The following SRPK2 variants were observed in gnomAD, a reference collection of about 807,000 sequenced individuals.
The protein encoded by SRPK2 is SFRS protein kinase 2.
SRPK2 carries 21 observed loss-of-function variants against 90.8 expected under a neutral mutation model. The ratio of observed to expected loss-of-function variants is 0.23; its 90% CI spans 0.16 to 0.33. The LOEUF is 0.33. SRPK2 is among the 10% of genes least tolerant of loss of function. The pLI, the probability that SRPK2 is intolerant of heterozygous loss-of-function variation, is 1.00. For synonymous variants in SRPK2, 288 were observed against 311.1 expected (o/e 0.93, Z 0.78); for missense variants, 620 against 869.0 (o/e 0.71, Z 3.60).
At chr7:105,361,359 T>C (rs1173818582) in intron 2 of SRPK2, among the ~76,000 whole-genome samples, 1 of 152,172 alleles carries the variant, frequency 6.6e-6, no homozygotes, top group East Asian at 1.9e-4. Context: ...TCCATGCTCA[T>C]GGATAGGAAG....
At chr7:105,354,902 C>T (rs1332496385) in intron 2 of SRPK2, among the ~76,000 whole-genome samples, 1 of 152,116 alleles carries the variant, frequency 6.6e-6, no homozygotes, top group African/African-American at 2.4e-5. Flanking sequence ...CCATATTTCC[C>T]CCTCCCCACC....
intron 3 of SRPK2, among the ~76,000 whole-genome samples, chr7:105,187,294 A>G (rs182592758): frequency 1.4e-4 from 22 of 152,294 alleles, no homozygotes; most frequent in Admixed American, 1.4e-3. Context: ...CTGGCCTTTC[A>G]ACTCTACTCA....
intron 2 of SRPK2, among the ~76,000 whole-genome samples, chr7:105,327,710 C>T (rs1253899794): frequency 6.6e-6 from 1 of 152,200 alleles, no homozygotes; most frequent in Non-Finnish European, 1.5e-5. Flanking sequence ...ATAGTAGGTG[C>T]CCAATATTAG....
At chr7:105,359,856 T>G (rs1818229431) in intron 2 of SRPK2, among the ~76,000 whole-genome samples, 1 of 152,184 alleles carries the variant, frequency 6.6e-6, no homozygotes, top group Non-Finnish European at 1.5e-5. Flanking sequence ...TATATTCCGT[T>G]GATTTGGGGT....
intron 3 of SRPK2, among the ~76,000 whole-genome samples, chr7:105,202,482 T>C (rs187720742): frequency 1.1e-4 from 17 of 152,318 alleles, no homozygotes; most frequent in Admixed American, 1.1e-3. Flanking sequence ...TCCAAATCAG[T>C]AAGTTAAGTG....
At chr7:105,193,119 C>T (rs1056128731) in intron 3 of SRPK2, among the ~76,000 whole-genome samples, 3 of 152,180 alleles carry the variant, frequency 2.0e-5, no homozygotes, top group Non-Finnish European at 4.4e-5. Context: ...TTGCCTAAGC[C>T]AATGTCTAGA....
intron 2 of SRPK2, among the ~76,000 whole-genome samples, chr7:105,322,201 G>C (rs1413891345): frequency 6.6e-6 from 1 of 152,196 alleles, no homozygotes; most frequent in South Asian, 2.1e-4. Flanking sequence ...GATCACTTGA[G>C]GTCAGGAGTT....
At chr7:105,149,529 T>C (rs1453782888) in intron 7 of SRPK2, among the ~76,000 whole-genome samples, 1 of 152,160 alleles carries the variant, frequency 6.6e-6, no homozygotes, top group Non-Finnish European at 1.5e-5. Flanking sequence ...TGCAGGTCCT[T>C]GGTATGCTGG....
At chr7:105,211,291 G>A (rs1018693497) in intron 2 of SRPK2, among the ~76,000 whole-genome samples, 1 of 151,924 alleles carries the variant, frequency 6.6e-6, no homozygotes, top group African/African-American at 2.4e-5. Context: ...CTTAAGCTGG[G>A]TAATCCAGAA....
upstream of SRPK2, chr7:105,389,213 C>G: frequency 3.4e-6 from 4 of 1,190,780 alleles, no homozygotes; most frequent in Non-Finnish European, 4.2e-6. Flanking sequence ...GCGGGACCCT[C>G]CCTCCCCGCC....
chr7:105,217,996 G>T (rs1797665618), intron 2 of SRPK2, among the ~76,000 whole-genome samples: 2 of 152,282 alleles, frequency 1.3e-5, no homozygotes, highest in East Asian at 3.9e-4. Flanking sequence ...CTCAAAGAAA[G>T]GAGAGAAAAT....
chr7:105,301,623 G>A, intron 2 of SRPK2: 3 of 1,609,690 alleles, frequency 1.9e-6, no homozygotes, highest in Non-Finnish European at 2.5e-6. Flanking sequence ...TTCAATATAG[G>A]ATAGGTGAAA....
chr7:105,307,718 G>A (rs1811291587), intron 2 of SRPK2, among the ~76,000 whole-genome samples: 1 of 151,946 alleles, frequency 6.6e-6, no homozygotes, highest in African/African-American at 2.4e-5. Flanking sequence ...CTGTGGGTGG[G>A]GTTTTTTCCC....
At chr7:105,324,317 T>A (rs1813312802) in intron 2 of SRPK2, among the ~76,000 whole-genome samples, 1 of 149,410 alleles carries the variant, frequency 6.7e-6, no homozygotes, top group South Asian at 2.1e-4. Flanking sequence ...AACTATTCCC[T>A]CCCTCCCTTC....
intron 2 of SRPK2, among the ~76,000 whole-genome samples, chr7:105,324,905 A>G (rs77397213): frequency 6.6e-6 from 1 of 152,160 alleles, no homozygotes; most frequent in Non-Finnish European, 1.5e-5. Context: ...AATTAAAATT[A>G]AAAAAATCTG....
At chr7:105,273,982 A>G (rs896323255) in intron 2 of SRPK2, among the ~76,000 whole-genome samples, 8 of 152,228 alleles carry the variant, frequency 5.3e-5, no homozygotes, top group Admixed American at 3.9e-4. Context: ...GAATTTATAA[A>G]GGGGAAATCT....
intron 2 of SRPK2, among the ~76,000 whole-genome samples, chr7:105,240,217 C>A (rs535372869): frequency 1.2e-4 from 18 of 152,206 alleles, no homozygotes; most frequent in East Asian, 1.2e-3. Context: ...ATGCAAGGGG[C>A]CTTTCTCAGT....
intron 2 of SRPK2, among the ~76,000 whole-genome samples, chr7:105,238,753 TTC>T (rs3055042): frequency 0.81 from 123,472 of 152,026 alleles, 50,929 homozygotes; most frequent in Non-Finnish European, 0.87. Flanking sequence ...TGAAAATTTG[TTC>T]TGTGTTTTGA....
intron 2 of SRPK2, among the ~76,000 whole-genome samples, chr7:105,273,132 A>G (rs1372368962): frequency 6.6e-6 from 1 of 151,804 alleles, no homozygotes; most frequent in African/African-American, 2.4e-5. Context: ...GGAGAATGGC[A>G]TGAACCCGGG....
Sources: gnomAD v4.1 joint callset for allele counts (sites outside exome capture counted in the v4.1 genomes callset) on GRCh38, gnomAD v4.1.1 for gene constraint, MANE v1.5 for transcripts, NCBI Gene and HGNC (gene_info 2026-07-23, HGNC 2026-07-21) for gene names.